Variants in ZBTB37 observed in about 807,000 individuals in gnomAD.
The protein encoded by ZBTB37 is zinc finger and BTB domain containing 37.
ZBTB37 carries 15 observed loss-of-function variants against 37.7 expected under a neutral mutation model. That is an observed-to-expected ratio of 0.40 (90% CI 0.27 to 0.61). The LOEUF (loss-of-function observed/expected upper bound fraction) is 0.61, where lower values mean the gene tolerates loss of function less well. Ranked by LOEUF, ZBTB37 falls within the 20% of genes least tolerant of loss-of-function variation. ZBTB37 has a pLI of 0.44. For missense variants in ZBTB37, 514 were observed against 641.9 expected, an observed-to-expected ratio of 0.80 and a Z score of 2.15; for synonymous variants, 231 against 220.6, an observed-to-expected ratio of 1.05 and a Z score of -0.42.
intron 4 of ZBTB37, among the ~76,000 whole-genome samples, chr1:173,885,045 G>C (rs1036161735): frequency 6.6e-6 from 1 of 152,112 alleles, no homozygotes; most frequent in African/African-American, 2.4e-5. Context: ...ACCAGCCTGG[G>C]CAACATGGCA....
exon 3 of ZBTB37, chr1:173,870,420 G>A (rs144352318): frequency 2.7e-5 from 43 of 1,614,082 alleles, no homozygotes; most frequent in Non-Finnish European, 3.5e-5. Context: ...CCTTGAATGA[G>A]ATGAGTACAG....
chr1:173,871,836 C>T (rs1251149936), intron 3 of ZBTB37, among the ~76,000 whole-genome samples: 1 of 151,924 alleles, frequency 6.6e-6, no homozygotes, highest in African/African-American at 2.4e-5. Context: ...TTAGACATTT[C>T]TTTTTGGTGG....
intron 4 of ZBTB37, among the ~76,000 whole-genome samples, chr1:173,875,544 C>A (rs1241092037): frequency 2.0e-5 from 3 of 151,864 alleles, no homozygotes; most frequent in African/African-American, 7.3e-5. Flanking sequence ...CCAGGCTGGT[C>A]TTGAACTCCT....
chr1:173,885,455 G>A (rs1656568277), intron 4 of ZBTB37, among the ~76,000 whole-genome samples, 181 bp from the exon 5 acceptor site: 1 of 152,072 alleles, frequency 6.6e-6, no homozygotes, highest in Middle Eastern at 3.2e-3. Context: ...GAATAGAGTA[G>A]TCTCAATTTT....
chr1:173,882,017 G>T (rs1288189392), intron 4 of ZBTB37, among the ~76,000 whole-genome samples: 3 of 151,118 alleles, frequency 2.0e-5, no homozygotes, highest in African/African-American at 7.3e-5. Flanking sequence ...TCACACCACC[G>T]CACTCCAGCC....
rs189732777 is a variant in ZBTB37 at position 173,894,742 on chromosome 1, T to C, written c.*8618T>C. The C allele has an allele frequency of 2.6e-5, 4 of 152,314 alleles. No homozygotes were observed. In the East Asian group the frequency reaches 7.7e-4, roughly 29 times the overall value. 9.4% of individuals were successfully genotyped at this position (152,314 alleles called of 1,614,324 possible). On this transcript the variant is annotated 3_prime_UTR_variant, in exon 4 of 4. Coordinates refer to the ZBTB37 transcript ENST00000367701. ...AAATTTAAGGAGAGAAGAAATACCC[T>C]ACCACTTTATGGAAGGCATGTCCAG... is the stretch of plus-strand genomic sequence containing the variant.
exon 3 of ZBTB37, chr1:173,870,383 G>C (rs1266266418): frequency 9.3e-6 from 15 of 1,614,200 alleles, no homozygotes; most frequent in Non-Finnish European, 1.3e-5. Flanking sequence ...CTGGCTGCCA[G>C]CTCCCCCTAT....
chr1:173,872,650 T>G (rs541366003), intron 3 of ZBTB37, among the ~76,000 whole-genome samples: 3 of 152,154 alleles, frequency 2.0e-5, no homozygotes, highest in Non-Finnish European at 4.4e-5. Flanking sequence ...AACTTACTTA[T>G]GTAACCAGAT....
At chr1:173,875,252 GTA>G (rs1159979960) in intron 4 of ZBTB37, among the ~76,000 whole-genome samples, 1 of 146,358 alleles carries the variant, frequency 6.8e-6, no homozygotes, top group African/African-American at 2.6e-5. Flanking sequence ...ACTATGCGTA[GTA>G]TACACACACA....
At chr1:173,872,244 T>C (rs2102718896) in intron 3 of ZBTB37, among the ~76,000 whole-genome samples, 1 of 152,116 alleles carries the variant, frequency 6.6e-6, no homozygotes, top group Non-Finnish European at 1.5e-5. Flanking sequence ...AATTTTTGTG[T>C]GTGTGTTTTT....
chr1:173,901,225 C>T (rs777101856), exon 4 of ZBTB37: 14 of 152,148 alleles, frequency 9.2e-5, no homozygotes, highest in Middle Eastern at 3.4e-3. Flanking sequence ...CTACTCTCAA[C>T]GAAAGAAAAG....
chr1:173,877,977 T>C (rs1198280922), intron 4 of ZBTB37, among the ~76,000 whole-genome samples: 1 of 152,248 alleles, frequency 6.6e-6, no homozygotes, highest in African/African-American at 2.4e-5. Context: ...CTTGGCCTAA[T>C]TTTTCAAGTG....
exon 4 of ZBTB37, chr1:173,903,299 T>C (rs952065703): frequency 3.9e-5 from 6 of 151,934 alleles, no homozygotes; most frequent in Non-Finnish European, 8.8e-5. Flanking sequence ...GGGGAGGGAG[T>C]TCAAAGAAAG....
chr1:173,896,002 T>C (rs1657029824), exon 4 of ZBTB37: 1 of 152,206 alleles, frequency 6.6e-6, no homozygotes, highest in African/African-American at 2.4e-5. Flanking sequence ...TAATCTGCAG[T>C]TATCACAGTA....
exon 4 of ZBTB37, chr1:173,898,633 G>A (rs1387463008): frequency 6.6e-6 from 1 of 151,958 alleles, no homozygotes; most frequent in Non-Finnish European, 1.5e-5. Flanking sequence ...GGTCAATATT[G>A]TCATAATAGT....
At chr1:173,896,191 A>T (rs1311398830) in exon 4 of ZBTB37, 1 of 152,230 alleles carries the variant, frequency 6.6e-6, no homozygotes, top group Admixed American at 6.5e-5. Flanking sequence ...AGGCATAAAG[A>T]TTAATTAGAT....
intron 4 of ZBTB37, among the ~76,000 whole-genome samples, chr1:173,877,279 TGAGTAATA>T (rs995061099): frequency 5.3e-5 from 8 of 151,832 alleles, no homozygotes; most frequent in African/African-American, 1.9e-4. Flanking sequence ...AGTATAAACT[TGAGTAATA>T]GTGTTGTGGG....
chr1:173,902,611 A>T (rs1297673874), exon 4 of ZBTB37: 1 of 152,224 alleles, frequency 6.6e-6, no homozygotes, highest in African/African-American at 2.4e-5. Flanking sequence ...GACCTTAATT[A>T]TAAATACCTA....
exon 4 of ZBTB37, chr1:173,896,552 TGTG>T (rs1657055977): frequency 6.6e-6 from 1 of 152,222 alleles, no homozygotes; most frequent in South Asian, 2.1e-4. Context: ...AATTCTTAAA[TGTG>T]GTCTTAAATT....
Sources: gnomAD v4.1 joint callset for allele counts (sites outside exome capture counted in the v4.1 genomes callset) on GRCh38, gnomAD v4.1.1 for gene constraint, MANE v1.5 for transcripts, NCBI Gene and HGNC (gene_info 2026-07-23, HGNC 2026-07-21) for gene names.